KIAA1755: variants seen among roughly 807,000 people sequenced by gnomAD.
KIAA1755 encodes the protein uncharacterized protein KIAA1755.
In KIAA1755, 68 loss-of-function variants were observed where a neutral mutation model predicts 91.7. The observed-to-expected ratio is 0.74, with a 90% CI of 0.61 to 0.91. The LOEUF (loss-of-function observed/expected upper bound fraction) is 0.91. KIAA1755 is among the 40% of genes least tolerant of loss of function. KIAA1755 has a pLI of 0.00. For missense variants in KIAA1755, 1,535 were observed against 1,494.4 expected (o/e 1.03, Z -0.45); for synonymous variants, 610 against 604.6 (o/e 1.01, Z -0.13).
At position 38,222,856 on chromosome 20, in the gene KIAA1755, G is replaced by GGCTCCC. The variant is rs1431384157; in HGVS notation, c.2269-265_2269-260dup. Reference sequence around the variant, plus strand: ...TTCGCTGATCTCCCTGCTGCCCTCTGGCTCCCCCTACAGTCTGTTCTCCAC... The same window carrying GGCTCCC: ...TTCGCTGATCTCCCTGCTGCCCTCTGGCTCCCGCTCCCCCTACAGTCTGTTCTCCAC... On this transcript the variant is annotated intron_variant, in intron 9 of 13. Transcript: ENST00000279024. The GGCTCCC allele has an allele frequency of 1.4e-5, 8 of 570,118 alleles. No homozygotes were observed. In the East Asian group the frequency reaches 2.4e-4, roughly 17 times the overall value. 35.3% of individuals were successfully genotyped at this position (570,118 alleles called of 1,614,324 possible).
At chr20:38,221,318 T>C (rs556262836) in intron 10 of KIAA1755, among the ~76,000 whole-genome samples, 84 of 152,092 alleles carry the variant, frequency 5.5e-4, no homozygotes, top group Non-Finnish European at 3.8e-4. Flanking sequence ...GGGCCTCGGA[T>C]GGACAGGAGG....
rs534200695 is a variant in KIAA1755, at chr20:38,252,536, T to C, written c.4-6410A>G. 4.4e-4 allele frequency among the ~76,000 whole-genome samples: 67 copies of C among 152,232 alleles called. 1 individual carries two copies. In the East Asian group the frequency reaches 0.013, roughly 29 times the overall value. Reference sequence around the variant, plus strand: ...GACAGAGCCAGGATCCAATCCAGATTGGGGCCTGCCAAGTCTGCCCAGATC... The same window carrying C: ...GACAGAGCCAGGATCCAATCCAGATCGGGGCCTGCCAAGTCTGCCCAGATC... On this transcript the variant is annotated intron_variant, in intron 1 of 13. Transcript: ENST00000279024.
Position 38,219,560 on chromosome 20 carries a change from A to T in KIAA1755, c.2556+70T>A, listed in dbSNP as rs918845271. On this transcript the variant is annotated intron_variant, in intron 11 of 13. Coordinates refer to ENST00000279024, the MANE Select transcript of KIAA1755 (RefSeq NM_001029864.2). ...AAAGCACCTGACTAGGGACGGGCCC[A>T]GAGTCGGGGCTTTCCTGTGGAATGT... 8.8e-6 allele frequency: 14 copies of T among 1,583,278 alleles called. No homozygotes were observed. The African/African-American group carries it at 1.7e-4, about 20-fold the overall frequency.
At position 38,219,378 on chromosome 20, in the gene KIAA1755, C is replaced by T. The variant is rs557711875; in HGVS notation, c.2556+252G>A. Among the ~76,000 whole-genome samples, 6 of 152,334 alleles carry T rather than the reference C, an allele frequency of 3.9e-5. No homozygotes were observed. In the East Asian group the frequency reaches 9.6e-4, roughly 24 times the overall value. On this transcript the variant is annotated intron_variant, in intron 11 of 13. Coordinates refer to ENST00000279024, the MANE Select transcript of KIAA1755 (RefSeq NM_001029864.2). ...CAATGATGTTCACAACGGCTCTGGC[C>T]CAGGGCTTGGCACAGAGTTGGCGCT...
chr20:38,225,631 G>A, intron 8 of KIAA1755, 34 bp downstream of exon 8: 1 of 1,272,704 alleles, frequency 7.9e-7, no homozygotes, highest in Non-Finnish European at 1.2e-6. Flanking sequence ...AGAAGGAGTG[G>A]GGGTCAGGGG....
intron 8 of KIAA1755, among the ~76,000 whole-genome samples, chr20:38,224,137 TC>T: frequency 1.3e-5 from 2 of 152,290 alleles, no homozygotes; most frequent in Middle Eastern, 6.8e-3. Flanking sequence ...AAAATGGAGA[TC>T]ATAGTAGTTC....
chr20:38,242,540 T>A (rs1165676837), intron 2 of KIAA1755, among the ~76,000 whole-genome samples: 1 of 152,224 alleles, frequency 6.6e-6, no homozygotes, highest in East Asian at 1.9e-4. Context: ...CTACAGAACA[T>A]CATAGCTTAT....
At chr20:38,214,142 G>A (rs546417254) in intron 13 of KIAA1755, among the ~76,000 whole-genome samples, 2 of 152,162 alleles carry the variant, frequency 1.3e-5, no homozygotes, top group Admixed American at 1.3e-4. Flanking sequence ...AGTAGGACGG[G>A]GTTTCACCTT....
chr20:38,232,471 C>CA (rs1422530323), intron 4 of KIAA1755, among the ~76,000 whole-genome samples: 1 of 151,348 alleles, frequency 6.6e-6, no homozygotes, highest in Non-Finnish European at 1.5e-5. Flanking sequence ...CTAAAAAATA[C>CA]AAAAAAATTA....
intron 10 of KIAA1755, among the ~76,000 whole-genome samples, chr20:38,220,145 T>C (rs761552930): frequency 6.6e-6 from 1 of 152,154 alleles, no homozygotes; most frequent in Non-Finnish European, 1.5e-5. Context: ...ACCCACTTCA[T>C]AGCATGGTTG....
chr20:38,251,692 T>C (rs1374827346), intron 1 of KIAA1755, among the ~76,000 whole-genome samples: 1 of 151,492 alleles, frequency 6.6e-6, no homozygotes, highest in Non-Finnish European at 1.5e-5. Context: ...CAGCCTCCCA[T>C]GTAGCTGGGA....
chr20:38,237,276 T>A (rs1250685580), intron 4 of KIAA1755, among the ~76,000 whole-genome samples: 2 of 150,554 alleles, frequency 1.3e-5, no homozygotes, highest in African/African-American at 4.9e-5. Flanking sequence ...TGTGGGGGAG[T>A]CATTCAGGAC....
In KIAA1755 at chr20:38,218,485, G is replaced by C. The variant is rs2075593755; in HGVS notation, c.2557-119C>G. On this transcript the variant is annotated intron_variant, in intron 11 of 13. Coordinates refer to ENST00000279024, the MANE Select transcript of KIAA1755 (RefSeq NM_001029864.2). Reference sequence around the variant, plus strand: ...CTTCACTCATTCAGTGGCTAGGCCTGTGACCACTGGCTTGGACTGAAATTC... The same window carrying C: ...CTTCACTCATTCAGTGGCTAGGCCTCTGACCACTGGCTTGGACTGAAATTC... 5 of 1,338,282 alleles carry C rather than the reference G, an allele frequency of 3.7e-6. No individual in the cohort carries two copies. The Admixed American group carries it at 9.4e-5, about 25-fold the overall frequency. 82.9% of individuals were successfully genotyped at this position (1,338,282 alleles called of 1,614,324 possible).
At position 38,213,381 on chromosome 20, in the gene KIAA1755, C is replaced by A. The variant is rs753013886; in HGVS notation, c.3264G>T (p.Gly1088=). Residue 1088 remains glycine (G), a synonymous_variant, in exon 14 of 14, where the codon GGG becomes GGT. Transcript: ENST00000279024. ...AGTCTAGTGGAGGCTGATCCCACCT[C>A]CCCTTGGAAGTGACCTCTACACTCA... ...QGVSVEVTSK[G]RWDQPPLDSL... 2.5e-6 allele frequency: 4 copies of A among 1,603,640 alleles called. No individual in the cohort carries two copies. The highest frequency in any genetic ancestry group is 2.6e-6 in the Non-Finnish European group (3 of 1,174,654).
intron 13 of KIAA1755, 33 bp downstream of exon 13, chr20:38,217,220 G>T (rs368530369): frequency 8.4e-6 from 13 of 1,548,194 alleles, no homozygotes; most frequent in South Asian, 3.5e-5. Flanking sequence ...AGGGGATCGG[G>T]GGGTATCTGT....
chr20:38,249,527 C>T (rs2123299051), intron 1 of KIAA1755, among the ~76,000 whole-genome samples: 1 of 152,332 alleles, frequency 6.6e-6, no homozygotes, highest in Admixed American at 6.5e-5. Flanking sequence ...GGCTCCCTCC[C>T]ACCCGTAGCC....
intron 5 of KIAA1755, among the ~76,000 whole-genome samples, chr20:38,229,343 G>A (rs2075820740): frequency 6.6e-6 from 1 of 152,208 alleles, no homozygotes; most frequent in Non-Finnish European, 1.5e-5. Flanking sequence ...GAGTAAATGG[G>A]ATGTAAATAT....
chr20:38,218,057 C>T, intron 12 of KIAA1755, 187 bp downstream of exon 12: 1 of 696,036 alleles, frequency 1.4e-6, no homozygotes, highest in East Asian at 2.7e-5. Flanking sequence ...TTGGGCTTGG[C>T]CATCTGGTAA....
At chr20:38,217,109 G>A (rs867920653) in intron 13 of KIAA1755, 144 bp downstream of exon 13, 4 of 692,822 alleles carry the variant, frequency 5.8e-6, no homozygotes, top group African/African-American at 1.8e-5. Context: ...AAGTGGGTGG[G>A]GGGGGGCTGT....
Sources: gnomAD v4.1 joint callset for allele counts (sites outside exome capture counted in the v4.1 genomes callset) on GRCh38, gnomAD v4.1.1 for gene constraint, MANE v1.5 for transcripts, NCBI Gene and HGNC (gene_info 2026-07-23, HGNC 2026-07-21) for gene names.